Variants in AHNAK observed in about 807,000 individuals in gnomAD.
The protein encoded by AHNAK is neuroblast differentiation-associated protein AHNAK.
Under a neutral mutation model 37.8 loss-of-function variants are expected in AHNAK, and 23 were observed. The ratio of observed to expected loss-of-function variants is 0.61; its 90% confidence interval spans 0.44 to 0.86. The LOEUF (loss-of-function observed/expected upper bound fraction) is 0.86, where lower values mean the gene tolerates loss of function less well. Ranked by LOEUF, AHNAK falls within the 40% of genes least tolerant of loss-of-function variation. AHNAK has a pLI of 0.00. For synonymous variants in AHNAK, 2,481 were observed against 2,636.3 expected, an observed-to-expected ratio of 0.94 and a Z score of 1.80; for missense variants, 7,411 against 7,319.4, an observed-to-expected ratio of 1.01 and a Z score of -0.46.
At chr11:62,492,328 G>T (rs1939517862) in intron 4 of AHNAK, among the ~76,000 whole-genome samples, 1 of 152,144 alleles carries the variant, frequency 6.6e-6, no homozygotes, top group Non-Finnish European at 1.5e-5. Flanking sequence ...ACTAGATTCA[G>T]CTCCACTCAG....
chr11:62,525,429 T>C lies in AHNAK; in HGVS notation c.8988A>G (p.Glu2996=). 2 of 1,612,734 alleles carry C rather than the reference T, an allele frequency of 1.2e-6. No individual in the cohort carries two copies. Among genetic ancestry groups the C allele is most frequent in the Non-Finnish European group, 1.7e-6 (2 of 1,179,672 alleles). Residue 2996 remains glutamate, a synonymous_variant, in exon 5 of 5, where the codon GAA becomes GAG. Transcript: ENST00000378024. The part of the protein sequence containing the change: ...PKVEGDLKGP[E]VDIRGPQVDI... ...CCACTTGGGGACCCCTGATGTCAACTTCAGGGCCCTTGAGGTCACCTTCCA... is the reference window on the plus strand; with the variant it reads ...CCACTTGGGGACCCCTGATGTCAACCTCAGGGCCCTTGAGGTCACCTTCCA...
intron 5 of AHNAK, among the ~76,000 whole-genome samples, chr11:62,435,305 T>C (rs1470024766): frequency 6.6e-6 from 1 of 152,242 alleles, no homozygotes; most frequent in Admixed American, 6.5e-5. Context: ...ATAACTTCTT[T>C]CTTCCAAATG....
chr11:62,455,169 G>A (rs1184815056), intron 5 of AHNAK, among the ~76,000 whole-genome samples: 2 of 151,494 alleles, frequency 1.3e-5, no homozygotes, highest in Non-Finnish European at 2.9e-5. Flanking sequence ...CTGACCTCAG[G>A]TGATCCACCT....
intron 5 of AHNAK, among the ~76,000 whole-genome samples, chr11:62,489,847 C>T (rs1236563076): frequency 2.0e-5 from 3 of 151,984 alleles, no homozygotes; most frequent in African/African-American, 7.3e-5. Context: ...AGAGGGGAGC[C>T]CATAAAGGGC....
intron 5 of AHNAK, among the ~76,000 whole-genome samples, chr11:62,463,079 G>A (rs751681340): frequency 2.3e-4 from 32 of 142,042 alleles, no homozygotes; most frequent in Non-Finnish European, 2.8e-4. Context: ...AGGCGAGATC[G>A]TGCCCCTGCA....
chr11:62,489,895 C>A (rs1939469549), intron 5 of AHNAK, among the ~76,000 whole-genome samples: 1 of 152,022 alleles, frequency 6.6e-6, no homozygotes, highest in Admixed American at 6.6e-5. Context: ...ACCAAACAGA[C>A]GTCAACATGA....
chr11:62,444,242 A>G (rs1455796487), intron 5 of AHNAK, among the ~76,000 whole-genome samples: 1 of 151,780 alleles, frequency 6.6e-6, no homozygotes, highest in Non-Finnish European at 1.5e-5. Context: ...GACTTGTTCT[A>G]TGGGCTGGGA....
At position 62,527,854 on chromosome 11, in the gene AHNAK, T is replaced by C. The variant is rs1940557746; in HGVS notation, c.6563A>G (p.Asp2188Gly). 4 of 1,613,466 alleles carry C rather than the reference T, an allele frequency of 2.5e-6. No individual in the cohort carries two copies. The highest frequency in any genetic ancestry group is 3.3e-5 in the Admixed American group (2 of 59,958). Residue 2188 changes from aspartate (D) to glycine (G), a missense_variant, in exon 5 of 5, where the codon GAT becomes GGT. Physicochemically the swap from Asp to Gly is moderately conservative, Grantham distance 94. Coordinates refer to ENST00000378024, the MANE Select transcript of AHNAK (RefSeq NM_001620.3). Reference protein sequence around the residue: ...HFKTPKISMPDVNLNLKGPKV... With the variant: ...HFKTPKISMPGVNLNLKGPKV... ...GGGGCCTTTCAAGTTTAAGTTCACA[T>C]CAGGCATGGAGATCTTGGGGGTCTT...
At chr11:62,473,586 G>A (rs948468269) in intron 5 of AHNAK, among the ~76,000 whole-genome samples, 2 of 151,834 alleles carry the variant, frequency 1.3e-5, no homozygotes, top group Non-Finnish European at 1.5e-5. Flanking sequence ...TCAGGAGGCT[G>A]AGACAGGAGA....
rs375292654 is a variant in AHNAK, at chr11:62,462,934, C to A, written c.442+28798G>T. Among the ~76,000 whole-genome samples, 9 of 152,108 alleles carry A rather than the reference C, an allele frequency of 5.9e-5. No individual in the cohort carries two copies. In the South Asian group the frequency reaches 1.5e-3, roughly 25 times the overall value. ...TCACCTGAGGTCAGGAGTTTGAGAC[C>A]AGCCTGGTCAACATGGAGAAACCCC... On this transcript the variant is annotated intron_variant, in intron 5 of 5. Coordinates refer to the AHNAK transcript ENST00000257247.
At position 62,531,149 on chromosome 11, in the gene AHNAK, G is replaced by A. The variant is rs148272375; in HGVS notation, c.3268C>T (p.Pro1090Ser). The change falls in exon 5 of 5, where the codon CCA (proline) becomes TCA (serine). Residue 1090 changes from proline to serine, a missense_variant. Pro to Ser is a moderately conservative substitution (Grantham distance 74). Coordinates refer to ENST00000378024, the MANE Select transcript of AHNAK (RefSeq NM_001620.3). The stretch of plus-strand genomic sequence containing the variant: ...ACCTGCATTTCACCCTCTATCTTTG[G>A]TGCAGAGATATCTACATTTCCTTTC... The part of the protein sequence containing the change: ...KMKGNVDISA[P>S]KIEGEMQVPD... 412 of 1,613,932 alleles carry A rather than the reference G, an allele frequency of 2.6e-4. 1 individual carries two copies. The highest frequency in any genetic ancestry group is 3.1e-4 in the Non-Finnish European group (361 of 1,180,016).
intron 5 of AHNAK, among the ~76,000 whole-genome samples, chr11:62,454,823 A>G (rs1160451911): frequency 6.6e-6 from 1 of 152,084 alleles, no homozygotes; most frequent in African/African-American, 2.4e-5. Flanking sequence ...GCCTGCCCCC[A>G]TGTCTGCTCC....
At position 62,527,192 on chromosome 11, in the gene AHNAK, G is replaced by A. The variant is rs1940524932; in HGVS notation, c.7225C>T (p.Pro2409Ser). ...CCTTTAAGGTCCCCTTCCAATTTGG[G>A]AACATCTACATCCACCTCTCCTTTT... is the stretch of plus-strand genomic sequence containing the variant. ...KAKGEVDVDV[P>S]KLEGDLKGPH... Residue 2409 changes from proline (P) to serine (S), a missense_variant, in exon 5 of 5, where the codon CCC (proline) becomes TCC (serine). By Grantham distance (74) the Pro-to-Ser change is moderately conservative (BLOSUM62 -1). Transcript: ENST00000378024. 4.3e-6 allele frequency: 7 copies of A among 1,610,846 alleles called. No homozygotes were observed. The highest frequency in any genetic ancestry group is 5.9e-6 in the Non-Finnish European group (7 of 1,178,664).
chr11:62,468,866 T>A (rs2134842474), intron 5 of AHNAK, among the ~76,000 whole-genome samples: 1 of 152,362 alleles, frequency 6.6e-6, no homozygotes, highest in Non-Finnish European at 1.5e-5. Context: ...GTTCTCTGTT[T>A]CTGCTTTCCT....
chr11:62,521,606 C>A lies in AHNAK; in HGVS notation c.12811G>T (p.Val4271Leu). ...AGGGAAACATCCACATCACCCTTCA[C>A]CTTGGGACCTTTCAGATGCAAATCA... ...DFDLHLKGPKVKGDVDVSLPK... is the reference protein window; with the variant it reads ...DFDLHLKGPKLKGDVDVSLPK... The change falls in exon 5 of 5, where the codon GTG becomes TTG. Residue 4271 changes from valine to leucine, a missense_variant. By Grantham distance (32) the Val-to-Leu change is conservative. Transcript: ENST00000378024. 2 of 1,611,376 alleles carry A rather than the reference C, an allele frequency of 1.2e-6. No homozygotes were observed. Among genetic ancestry groups the A allele is most frequent in the Non-Finnish European group, 1.7e-6 (2 of 1,179,362 alleles).
intron 4 of AHNAK, among the ~76,000 whole-genome samples, chr11:62,504,050 A>G (rs1939761805): frequency 6.6e-6 from 1 of 152,036 alleles, no homozygotes; most frequent in African/African-American, 2.4e-5. Flanking sequence ...AATCCCAGCT[A>G]CTAGGGAGGT....
chr11:62,516,978 A>G lies in AHNAK; in HGVS notation c.17439T>C (p.Val5813=), dbSNP rs1940039820. The G allele has an allele frequency of 6.2e-7, 1 of 1,613,990 alleles. No individual in the cohort carries two copies. The highest frequency in any genetic ancestry group is 1.3e-5 in the African/African-American group (1 of 74,892). The change falls in exon 5 of 5, where the codon GTT becomes GTC. Residue 5813 remains valine, a synonymous_variant. Coordinates refer to ENST00000378024, the MANE Select transcript of AHNAK (RefSeq NM_001620.3). ...ATTTCAGCTTCCCGTGTTTCCCTTT[A>G]ACTTTCCCACCTTCCAGAGACACTT... ...GGEVSLEGGK[V]KGKHGKLKFG... is the part of the protein sequence containing the mutation.
chr11:62,488,494 T>G (rs1263232851), intron 5 of AHNAK, among the ~76,000 whole-genome samples: 1 of 150,874 alleles, frequency 6.6e-6, no homozygotes, highest in Non-Finnish European at 1.5e-5. Context: ...CTCCGCCCCC[T>G]GGGTTCAAGC....
In AHNAK at chr11:62,528,172, G is replaced by A. The variant is rs762345517; in HGVS notation, c.6245C>T (p.Pro2082Leu). Residue 2082 changes from proline (P) to leucine (L), a missense_variant, in exon 5 of 5, where the codon CCC (proline) becomes CTC (leucine). Physicochemically the swap from Pro to Leu is moderately conservative, Grantham distance 98. Transcript: ENST00000378024. Reference sequence around the variant, plus strand: ...ATCTGGGACTTCAACATCCACCTTGGGTCCTGAGACAACAACATCAGCCTT... The same window carrying A: ...ATCTGGGACTTCAACATCCACCTTGAGTCCTGAGACAACAACATCAGCCTT... Reference protein sequence around the residue: ...LPKADVVVSGPKVDVEVPDVS... With the variant: ...LPKADVVVSGLKVDVEVPDVS... The A allele has an allele frequency of 1.9e-6, 3 of 1,613,574 alleles. No individual in the cohort carries two copies. Among genetic ancestry groups the A allele is most frequent in the Admixed American group, 1.7e-5 (1 of 59,932 alleles).
Sources: gnomAD v4.1 joint callset for allele counts (sites outside exome capture counted in the v4.1 genomes callset) on GRCh38, gnomAD v4.1.1 for gene constraint, MANE v1.5 for transcripts, NCBI Gene and HGNC (gene_info 2026-07-23, HGNC 2026-07-21) for gene names.